The following CDH23 variants were observed in gnomAD, a reference collection of about 807,000 sequenced individuals.
The protein encoded by CDH23 is cadherin related 23.
Under a neutral mutation model 317.1 loss-of-function variants are expected in CDH23, and 189 were observed. That is an observed-to-expected ratio of 0.60 (90% CI 0.53 to 0.67). CDH23 has a LOEUF of 0.67. Among genes scored for constraint, CDH23 ranks in the 30% least tolerant of loss-of-function variants. The pLI, the probability that CDH23 is intolerant of heterozygous loss-of-function variation, is 0.00. For synonymous variants in CDH23, 1,839 were observed against 1,876.8 expected (o/e 0.98, Z 0.52); for missense variants, 4,401 against 4,592.4 (o/e 0.96, Z 1.20).
At chr10:71,664,513 G>A (rs1211411059) in intron 14 of CDH23, among the ~76,000 whole-genome samples, 2 of 152,176 alleles carry the variant, frequency 1.3e-5, no homozygotes, top group Non-Finnish European at 1.5e-5. Context: ...GCTGGCACAG[G>A]ACAGGCAGGT....
At chr10:71,603,612 CA>C (rs1860358620) in intron 9 of CDH23, among the ~76,000 whole-genome samples, 1 of 151,502 alleles carries the variant, frequency 6.6e-6, no homozygotes, top group African/African-American at 2.5e-5. Flanking sequence ...AAGCAGGCAG[CA>C]GGGGGGGCCT....
intron 69 of CDH23, among the ~76,000 whole-genome samples, 190 bp from the exon 70 acceptor site, chr10:71,814,762 C>G (rs185235429): frequency 6.6e-6 from 1 of 152,280 alleles, no homozygotes; most frequent in African/African-American, 2.4e-5. Context: ...CCAATCCTCC[C>G]AAGAACCCAT....
rs555696795 is a variant in CDH23 at position 71,712,935 on chromosome 10, C to G, written c.3369+122C>G. On this transcript the variant is annotated intron_variant, in intron 28 of 69. Transcript: ENST00000224721. The stretch of plus-strand genomic sequence containing the variant: ...AGCAGGTGGGGGCCCAGGGTGGGTC[C>G]GCTGCTCTGGAAGGTGCTGTGGGGA... 5.0e-6 allele frequency: 6 copies of G among 1,200,614 alleles called. No homozygotes were observed. The Admixed American group carries it at 1.2e-4, about 24-fold the overall frequency. The allele number at this position is 1,200,614 out of a possible 1,614,324, so 74.4% of individuals were successfully genotyped here. A position where few individuals can be genotyped will look rare whatever the true frequency, so the allele number is the denominator to read the frequency against.
At chr10:71,439,922 T>A in intron 2 of CDH23, 24 bp downstream of exon 2, 1 of 1,553,898 alleles carries the variant, frequency 6.4e-7, no homozygotes, top group Non-Finnish European at 8.7e-7. Flanking sequence ...TCCCCGTGTC[T>A]ATCCCATGGG....
chr10:71,446,384 A>G lies in CDH23; in HGVS notation c.134A>G (p.Asp45Gly), dbSNP rs1435371810. The G allele has an allele frequency of 3.7e-6, 6 of 1,613,866 alleles. No individual in the cohort carries two copies. Among genetic ancestry groups the G allele is most frequent in the African/African-American group, 1.3e-5 (1 of 74,916 alleles). Residue 45 changes from aspartate to glycine, a missense_variant, in exon 3 of 70, where the codon GAC becomes GGC. Transcript: ENST00000224721. ...GATACATACCTGCTGATCAGCGAGG[A>G]CACGCCTGTGGGTGAGTGGGGGCAT... Reference protein sequence around the residue: ...FFDTYLLISEDTPVGSSVTQL... With the variant: ...FFDTYLLISEGTPVGSSVTQL...
chr10:71,643,091 C>T (rs867911752), intron 11 of CDH23, among the ~76,000 whole-genome samples: 4 of 152,202 alleles, frequency 2.6e-5, no homozygotes, highest in Non-Finnish European at 5.9e-5. Context: ...TGTCCTCGTT[C>T]GCATCATCAT....
chr10:71,708,641 C>T (rs1684680157), intron 26 of CDH23, among the ~76,000 whole-genome samples: 1 of 152,212 alleles, frequency 6.6e-6, no homozygotes, highest in African/African-American at 2.4e-5. Flanking sequence ...GATGAGGGGC[C>T]TGGGGGATGC....
intron 3 of CDH23, among the ~76,000 whole-genome samples, chr10:71,457,723 T>C (rs1351701053): frequency 1.3e-5 from 2 of 152,262 alleles, no homozygotes; most frequent in Non-Finnish European, 1.5e-5. Context: ...TCAATTTCCC[T>C]GTTCAGCCCT....
intron 3 of CDH23, among the ~76,000 whole-genome samples, chr10:71,503,280 A>AC (rs1273759613): frequency 1.3e-5 from 2 of 152,102 alleles, no homozygotes; most frequent in African/African-American, 2.4e-5. Flanking sequence ...CAGAGACTGG[A>AC]CCCCCAGTCA....
chr10:71,721,865 T>A (rs2132792612), intron 28 of CDH23, among the ~76,000 whole-genome samples: 1 of 152,106 alleles, frequency 6.6e-6, no homozygotes, highest in East Asian at 1.9e-4. Flanking sequence ...CAGACTGGGG[T>A]CCTAGTTCCT....
intron 38 of CDH23, among the ~76,000 whole-genome samples, chr10:71,769,027 A>C (rs1000748766): frequency 2.0e-5 from 3 of 152,068 alleles, no homozygotes; most frequent in Admixed American, 6.5e-5. Context: ...TGGAGGCCCC[A>C]CCTCCTTCTT....
intron 6 of CDH23, among the ~76,000 whole-genome samples, chr10:71,550,739 A>G (rs1355581543): frequency 2.6e-5 from 4 of 152,120 alleles, no homozygotes; most frequent in Non-Finnish European, 5.9e-5. Flanking sequence ...CCTCAAGGCC[A>G]CTGAGTGTAC....
intron 38 of CDH23, among the ~76,000 whole-genome samples, chr10:71,756,912 C>T (rs1307282480): frequency 1.3e-5 from 2 of 152,208 alleles, no homozygotes; most frequent in African/African-American, 2.4e-5. Flanking sequence ...GAGGTTTGTT[C>T]ATACTGCAAA....
At position 71,741,676 on chromosome 10, in the gene CDH23, C is replaced by G. The variant is rs1356686202; in HGVS notation, c.4618-18C>G. On this transcript the variant is annotated intron_variant, in intron 37 of 69. Transcript: ENST00000224721. ...ATGCCTTGAGTCCAGAATGACTGCTCTCCTGCTCTCCTCCCAGAACGTGGG... is the reference window on the plus strand; with the variant it reads ...ATGCCTTGAGTCCAGAATGACTGCTGTCCTGCTCTCCTCCCAGAACGTGGG... The G allele has an allele frequency of 6.3e-7, 1 of 1,590,142 alleles. No individual in the cohort carries two copies. Among genetic ancestry groups the G allele is most frequent in the Admixed American group, 1.7e-5 (1 of 57,384 alleles).
chr10:71,583,684 C>T (rs890031740), intron 9 of CDH23, among the ~76,000 whole-genome samples: 5 of 152,318 alleles, frequency 3.3e-5, no homozygotes, highest in Admixed American at 1.3e-4. Flanking sequence ...CATCTGCTGT[C>T]GTCCGCAGCT....
intron 11 of CDH23, among the ~76,000 whole-genome samples, chr10:71,634,492 T>C (rs1213393171): frequency 6.6e-6 from 1 of 152,228 alleles, no homozygotes; most frequent in Non-Finnish European, 1.5e-5. Flanking sequence ...CTGATGAGAA[T>C]GGCAGACCTT....
At chr10:71,506,934 G>A (rs1418436436) in intron 3 of CDH23, among the ~76,000 whole-genome samples, 2 of 152,196 alleles carry the variant, frequency 1.3e-5, no homozygotes. Flanking sequence ...TACAGGGTGG[G>A]TGACAGCAGC....
In CDH23 at chr10:71,734,057, G is replaced by C. The variant is rs7069461; in HGVS notation, c.4105-183G>C. ...CATACCTGGCTGGGGAAGCAGGAAG[G>C]CTTCATGGAAGAGGTGGCTTCCCAG... On this transcript the variant is annotated intron_variant, in intron 32 of 69. Transcript: ENST00000224721. Among the ~76,000 whole-genome samples the C allele has an allele frequency of 0.049, 7,523 of 152,298 alleles. 626 individuals carry two copies. The highest frequency in any genetic ancestry group is 0.17 in the African/African-American group (7,078 of 41,510).
At chr10:71,471,693 G>A (rs1049679065) in intron 3 of CDH23, among the ~76,000 whole-genome samples, 13 of 151,558 alleles carry the variant, frequency 8.6e-5, no homozygotes, top group African/African-American at 1.7e-4. Context: ...ACCATCCCAC[G>A]CCGTGTTGTT....
Sources: gnomAD v4.1 joint callset for allele counts (sites outside exome capture counted in the v4.1 genomes callset) on GRCh38, gnomAD v4.1.1 for gene constraint, MANE v1.5 for transcripts, NCBI Gene and HGNC (gene_info 2026-07-23, HGNC 2026-07-21) for gene names.